The following ACSBG1 variants were observed in gnomAD, a reference collection of about 807,000 sequenced individuals.
ACSBG1 encodes the protein long-chain-fatty-acid--CoA ligase ACSBG1.
A neutral mutation model predicts 80.2 loss-of-function variants in ACSBG1; 39 were observed. The ratio of observed to expected loss-of-function variants is 0.49; its 90% confidence interval spans 0.38 to 0.64. ACSBG1 has a LOEUF of 0.64. Ranked by LOEUF, ACSBG1 falls within the 30% of genes least tolerant of loss-of-function variation. The pLI is 0.00. For synonymous variants in ACSBG1, 392 were observed against 379.5 expected (o/e 1.03, Z -0.38); for missense variants, 828 against 966.4 (o/e 0.86, Z 1.90).
intron 1 of ACSBG1, among the ~76,000 whole-genome samples, chr15:78,224,783 G>C: frequency 6.6e-6 from 1 of 152,082 alleles, no homozygotes; most frequent in South Asian, 2.1e-4. Context: ...TGAATATACA[G>C]AAAGGAATGG....
chr15:78,193,907 C>G, intron 4 of ACSBG1, 25 bp downstream of exon 4: 1 of 1,612,202 alleles, frequency 6.2e-7, no homozygotes. Context: ...CCCCTGGAGA[C>G]CCCGTCCCTG....
chr15:78,233,159 G>A (rs1007862843), intron 1 of ACSBG1, among the ~76,000 whole-genome samples: 39 of 152,180 alleles, frequency 2.6e-4, no homozygotes, highest in Admixed American at 2.3e-3. Flanking sequence ...GACCCTCTGT[G>A]CACCTGACCT....
chr15:78,203,812 G>A (rs565348923), intron 2 of ACSBG1, among the ~76,000 whole-genome samples: 10 of 152,330 alleles, frequency 6.6e-5, no homozygotes, highest in South Asian at 4.1e-4. Flanking sequence ...GAAGAGGTGG[G>A]TCTCAGGCCT....
chr15:78,226,102 C>T (rs757805736), intron 1 of ACSBG1, among the ~76,000 whole-genome samples: 16 of 152,256 alleles, frequency 1.1e-4, no homozygotes, highest in Middle Eastern at 3.4e-3. Flanking sequence ...GTATTTTTGT[C>T]GTCTAATCTC....
At chr15:78,202,138 G>C (rs560301981) in intron 2 of ACSBG1, among the ~76,000 whole-genome samples, 2 of 152,264 alleles carry the variant, frequency 1.3e-5, no homozygotes, top group East Asian at 3.9e-4. Context: ...CCTGAGCAGG[G>C]AGCCAGGAAG....
At chr15:78,187,501 A>G (rs1595885836) in intron 5 of ACSBG1, among the ~76,000 whole-genome samples, 3 of 152,222 alleles carry the variant, frequency 2.0e-5, no homozygotes, top group Admixed American at 6.5e-5. Flanking sequence ...TCATCCCTGG[A>G]ATGCAAGGCT....
chr15:78,215,725 A>G (rs1567096203), intron 1 of ACSBG1, among the ~76,000 whole-genome samples: 1 of 11,626 alleles, frequency 8.6e-5, no homozygotes, highest in African/African-American at 3.8e-4. Flanking sequence ...AGAAAGAAAG[A>G]GAAAGAAAGA....
At chr15:78,202,504 C>T (rs1164718240) in intron 2 of ACSBG1, among the ~76,000 whole-genome samples, 7 of 152,306 alleles carry the variant, frequency 4.6e-5, no homozygotes, top group African/African-American at 1.7e-4. Context: ...CCACCACTCC[C>T]GGCCTCCTCC....
rs776465878 is a variant in ACSBG1, at chr15:78,182,608, T to A, written c.752A>T (p.Glu251Val). The A allele has an allele frequency of 6.2e-7, 1 of 1,613,842 alleles. No individual in the cohort carries two copies. Among genetic ancestry groups the A allele is most frequent in the African/African-American group, 1.3e-5 (1 of 74,896 alleles). The change falls in exon 7 of 14, where the codon GAA becomes GTA. Residue 251 changes from glutamate (E) to valine (V), a missense_variant. Glu to Val is a moderately radical substitution (Grantham distance 121, BLOSUM62 -2). Around this residue, in one of 3 missense-constraint regions of ACSBG1, gnomAD observed 356 missense variants for 363.5 expected, o/e 0.98. Coordinates refer to ENST00000258873, the MANE Select transcript of ACSBG1 (RefSeq NM_015162.5). ...NKMANVYTME[E>V]FMELGNEVPE... ...CACTTCATTCCCCAGCTCCATGAAT[T>A]CCTCCATCTGTAGCCAGATGCAGGG...
rs574075241 is a variant in ACSBG1 at position 78,177,250 on chromosome 15, A to G, written c.1702+1364T>C. Among the ~76,000 whole-genome samples, 81 of 152,336 alleles carry G rather than the reference A, an allele frequency of 5.3e-4. No individual in the cohort carries two copies. The highest frequency in any genetic ancestry group is 1.0e-3 in the Non-Finnish European group (68 of 68,032). ...GGATATCTATCCCTGTCATAAAGCT[A>G]TAGAAATTAAGACACTGGGTATTGG... is the stretch of plus-strand genomic sequence containing the variant. On this transcript the variant is annotated intron_variant, in intron 11 of 13. Coordinates refer to ENST00000258873, the MANE Select transcript of ACSBG1 (RefSeq NM_015162.5). This position sits in a 1 kb window ranked among gnomAD's most constrained non-coding sequence, Gnocchi z 4.1.
Position 78,208,079 on chromosome 15 carries a change from A to T in ACSBG1, c.155T>A (p.Leu52His). The part of the protein sequence containing the change: ...KTSSLTDRQP[L>H]SKESLNHALE... ...AGCATGGTTCAGGGACTCTTTGGAG[A>T]GTGGCTGCCTGTCAGTCAGTGAGCT... The change falls in exon 2 of 14, where the codon CTC (leucine) becomes CAC (histidine). Residue 52 changes from leucine (L) to histidine (H), a missense_variant. By Grantham distance (99) the Leu-to-His change is moderately conservative. Coordinates refer to ENST00000258873, the MANE Select transcript of ACSBG1 (RefSeq NM_015162.5). The T allele has an allele frequency of 6.2e-7, 1 of 1,613,838 alleles. No individual in the cohort carries two copies. Among genetic ancestry groups the T allele is most frequent in the South Asian group, 1.1e-5 (1 of 91,014 alleles).
rs911515708 is a variant in ACSBG1, at chr15:78,216,254, C to A, written c.132-8152G>T. On this transcript the variant is annotated intron_variant, in intron 1 of 13. Transcript: ENST00000258873. ...CATGGGACGAGGGGGTATAAAGTGA[C>A]AAAAATGGACACAGTCCCTGCCTCG... Among the ~76,000 whole-genome samples the A allele has an allele frequency of 2.0e-5, 3 of 152,034 alleles. No individual in the cohort carries two copies. In the South Asian group the frequency reaches 6.2e-4, roughly 31 times the overall value.
intron 5 of ACSBG1, among the ~76,000 whole-genome samples, chr15:78,191,697 G>A (rs1452605775): frequency 1.3e-5 from 2 of 152,192 alleles, no homozygotes; most frequent in Non-Finnish European, 1.5e-5. Context: ...AAGGTTGATG[G>A]GGAATTTCAC....
chr15:78,201,124 T>G (rs1296656746), intron 2 of ACSBG1, among the ~76,000 whole-genome samples: 1 of 152,162 alleles, frequency 6.6e-6, no homozygotes, highest in Non-Finnish European at 1.5e-5. Flanking sequence ...TAATGGAGGA[T>G]GGGGTCATGG....
At chr15:78,184,558 A>G (rs78684966) in intron 5 of ACSBG1, among the ~76,000 whole-genome samples, 7,289 of 152,278 alleles carry the variant, frequency 0.048, 297 homozygotes, top group East Asian at 0.17. Context: ...TTAATCCTAT[A>G]AGGAACTAAG....
At chr15:78,234,339 T>G in intron 1 of ACSBG1, 32 bp downstream of exon 1, 1 of 1,603,688 alleles carries the variant, frequency 6.2e-7, no homozygotes, top group Non-Finnish European at 8.5e-7. Context: ...GGCCCACAGG[T>G]GCAGTGTGCA....
intron 1 of ACSBG1, among the ~76,000 whole-genome samples, chr15:78,234,041 C>A (rs993510086): frequency 2.0e-5 from 3 of 152,300 alleles, no homozygotes; most frequent in Admixed American, 1.3e-4. Context: ...CCCCCGCAGG[C>A]AAAAGTCCCC....
intron 2 of ACSBG1, among the ~76,000 whole-genome samples, chr15:78,206,558 G>A (rs994618423): frequency 2.6e-5 from 4 of 152,184 alleles, no homozygotes; most frequent in African/African-American, 7.2e-5. Flanking sequence ...ACTAGATCGT[G>A]ATGGCCTTGT....
chr15:78,184,374 G>A (rs546940502), intron 5 of ACSBG1, among the ~76,000 whole-genome samples: 74 of 151,984 alleles, frequency 4.9e-4, no homozygotes, highest in African/African-American at 1.7e-3. Context: ...GAGACAGGGG[G>A]GTCTCACTAT....
Sources: allele counts gnomAD v4.1 joint callset (sites outside exome capture counted in the v4.1 genomes callset), GRCh38; gene constraint gnomAD v4.1.1; regional missense constraint gnomAD v4.1.1; non-coding constraint Gnocchi (gnomAD v3.1); transcripts MANE v1.5; gene names NCBI Gene and HGNC (gene_info 2026-07-23, HGNC 2026-07-21).